The following LEF1 variants were observed in gnomAD, a reference collection of about 807,000 sequenced individuals.
LEF1 encodes the protein lymphoid enhancer binding factor 1.
Under a neutral mutation model 51.2 loss-of-function variants are expected in LEF1, and 14 were observed. That is an observed-to-expected ratio of 0.27 (90% confidence interval 0.18 to 0.43). The LOEUF is 0.43. LEF1 is among the 20% of genes least tolerant of loss of function. LEF1 has a pLI of 1.00. For missense variants in LEF1, 386 were observed against 512.0 expected (o/e 0.75, Z 2.37); for synonymous variants, 185 against 183.2 (o/e 1.01, Z -0.08).
At chr4:108,081,513 G>T in intron 6 of LEF1, 73 bp downstream of exon 6, 1 of 1,237,448 alleles carries the variant, frequency 8.1e-7, no homozygotes, top group Non-Finnish European at 1.2e-6. Flanking sequence ...CAAAAGGCAA[G>T]CAGAGGCGCA....
At chr4:108,121,975 T>G (rs991359933) in intron 3 of LEF1, among the ~76,000 whole-genome samples, 6 of 152,242 alleles carry the variant, frequency 3.9e-5, no homozygotes, top group African/African-American at 1.4e-4. Flanking sequence ...TCTAAATTAA[T>G]GGTTTTCTGA....
chr4:108,111,246 TG>T (rs1741512453), intron 3 of LEF1, among the ~76,000 whole-genome samples: 1 of 152,244 alleles, frequency 6.6e-6, no homozygotes. Context: ...CCATTCCCAC[TG>T]GCTTTTTTCC....
intron 3 of LEF1, among the ~76,000 whole-genome samples, chr4:108,159,180 G>T (rs1744915533): frequency 6.6e-6 from 1 of 152,102 alleles, no homozygotes; most frequent in South Asian, 2.1e-4. Context: ...ATTTGATGGG[G>T]GAATGGCAAG....
chr4:108,070,945 C>A (rs1212169831), intron 8 of LEF1, 175 bp from the exon 9 acceptor site: 1 of 546,976 alleles, frequency 1.8e-6, no homozygotes, highest in Non-Finnish European at 3.2e-6. Context: ...CTAGTGGCTA[C>A]AGTGAAACTC....
intron 1 of LEF1, 156 bp from the exon 2 acceptor site, chr4:108,165,319 G>A: frequency 1.7e-6 from 1 of 589,572 alleles, no homozygotes; most frequent in Non-Finnish European, 3.0e-6. Context: ...GTTTAGTACT[G>A]CATAATCCTT....
At chr4:108,120,416 G>T (rs1742101236) in intron 3 of LEF1, among the ~76,000 whole-genome samples, 1 of 152,142 alleles carries the variant, frequency 6.6e-6, no homozygotes, top group Non-Finnish European at 1.5e-5. Context: ...CATAAAATTT[G>T]CTGTGAAGTA....
intron 3 of LEF1, among the ~76,000 whole-genome samples, chr4:108,102,933 C>G (rs1740923184): frequency 1.3e-5 from 2 of 152,216 alleles, no homozygotes; most frequent in African/African-American, 4.8e-5. Context: ...CATTATCACC[C>G]TGCAAGAAAG....
intron 11 of LEF1, among the ~76,000 whole-genome samples, chr4:108,063,402 G>A (rs1386655006): frequency 6.6e-6 from 1 of 152,154 alleles, no homozygotes; most frequent in East Asian, 1.9e-4. Flanking sequence ...GAATAAATGT[G>A]CCAAAGAGGA....
chr4:108,133,966 A>C (rs1449346250), intron 3 of LEF1, among the ~76,000 whole-genome samples: 2 of 152,170 alleles, frequency 1.3e-5, no homozygotes, highest in Admixed American at 6.5e-5. Flanking sequence ...CACGTCTTAC[A>C]ACTTAATTTT....
At chr4:108,070,799 C>G in intron 8 of LEF1, 29 bp from the exon 9 acceptor site, 1 of 1,411,506 alleles carries the variant, frequency 7.1e-7, no homozygotes, top group East Asian at 2.3e-5. Context: ...AAGAAAAAAA[C>G]AAAAGTAAGC....
Position 108,163,580 on chromosome 4 carries a change from G to A in LEF1, c.402C>T (p.Pro134=). The A allele has an allele frequency of 6.2e-7, 1 of 1,612,908 alleles. No homozygotes were observed. The highest frequency in any genetic ancestry group is 1.3e-5 in the African/African-American group (1 of 74,976). ...PYMSNGSLSP[P]IPRTSNKVPV... ...GCATGTTACTTACTGTTCTCGGGAT[G>A]GGTGGAGAAAGAGATCCATTTGACA... The change falls in exon 3 of 12, where the codon CCC becomes CCT. Residue 134 remains proline (P), a synonymous_variant. Transcript: ENST00000265165.
intron 3 of LEF1, among the ~76,000 whole-genome samples, chr4:108,133,429 C>T (rs1345035028): frequency 6.6e-6 from 1 of 152,218 alleles, no homozygotes; most frequent in Non-Finnish European, 1.5e-5. Context: ...CCTGTACTCT[C>T]CAGCATAGTG....
At chr4:108,095,821 C>A (rs545836372) in intron 3 of LEF1, among the ~76,000 whole-genome samples, 2 of 152,174 alleles carry the variant, frequency 1.3e-5, no homozygotes, top group African/African-American at 4.8e-5. Context: ...ATTCTGGGAG[C>A]CAAAAGGAGA....
At chr4:108,164,909 G>A (rs762832039) in intron 2 of LEF1, among the ~76,000 whole-genome samples, 188 bp downstream of exon 2, 18 of 152,232 alleles carry the variant, frequency 1.2e-4, no homozygotes, top group Non-Finnish European at 2.4e-4. Context: ...TTCAAAAACA[G>A]TTTTTAAATT....
intron 9 of LEF1, among the ~76,000 whole-genome samples, chr4:108,066,865 C>T (rs757788010): frequency 1.1e-4 from 16 of 152,038 alleles, no homozygotes; most frequent in Non-Finnish European, 1.3e-4. Context: ...AAAATTTGTG[C>T]ACTATTAATT....
At chr4:108,092,922 A>G (rs1740122949) in intron 3 of LEF1, among the ~76,000 whole-genome samples, 10 of 134,150 alleles carry the variant, frequency 7.5e-5, no homozygotes, top group African/African-American at 2.9e-4. Flanking sequence ...ATATGTAAAA[A>G]AAAAAAAAAA....
chr4:108,087,863 T>A (rs1421938688), intron 4 of LEF1, among the ~76,000 whole-genome samples: 1 of 152,126 alleles, frequency 6.6e-6, no homozygotes, highest in East Asian at 1.9e-4. Context: ...CCTCTCAAAC[T>A]CAGCCTGCTT....
intron 3 of LEF1, among the ~76,000 whole-genome samples, chr4:108,132,659 C>CT (rs749911957): frequency 0.092 from 4,362 of 47,212 alleles, 1,363 homozygotes; most frequent in African/African-American, 0.16. Context: ...GAAAATCTGC[C>CT]TTTTTTTTTT....
At chr4:108,056,189 T>C (rs376895675) in intron 11 of LEF1, among the ~76,000 whole-genome samples, 1 of 152,190 alleles carries the variant, frequency 6.6e-6, no homozygotes, top group Non-Finnish European at 1.5e-5. Context: ...GGAGATGATA[T>C]TGTAACAACA....
Sources: allele counts gnomAD v4.1 joint callset (sites outside exome capture counted in the v4.1 genomes callset), GRCh38; gene constraint gnomAD v4.1.1; transcripts MANE v1.5; gene names NCBI Gene and HGNC (gene_info 2026-07-23, HGNC 2026-07-21).